The following P2RX5 variants were observed in gnomAD, a reference collection of about 807,000 sequenced individuals.
P2RX5 encodes P2X purinoceptor 5.
In P2RX5, 46 loss-of-function variants were observed where a neutral mutation model predicts 54.1. That is an observed-to-expected ratio of 0.85 (90% CI 0.67 to 1.09). The LOEUF is 1.09. Among genes scored for constraint, P2RX5 ranks in the 50% least tolerant of loss-of-function variants. P2RX5 has a pLI of 0.00. For missense variants in P2RX5, 566 were observed against 549.8 expected (o/e 1.03, Z -0.29); for synonymous variants, 226 against 226.4 (o/e 1.00, Z 0.02).
intron 9 of P2RX5, 96 bp from the exon 10 acceptor site, chr17:3,682,074 A>C: frequency 1.2e-6 from 1 of 815,596 alleles, no homozygotes; most frequent in Non-Finnish European, 2.1e-6. Flanking sequence ...CAGCCCCTAA[A>C]GGTGGCATCA....
At chr17:3,702,146 T>TA in the P2RX5 span, among the ~76,000 whole-genome samples, 2 of 152,066 alleles carry the variant, frequency 1.3e-5, no homozygotes, top group South Asian at 4.1e-4. Flanking sequence ...CAGCACTCTG[T>TA]AAAAACGCAC....
At chr17:3,699,678 G>A (rs1423260323), upstream of P2RX5, among the ~76,000 whole-genome samples, 1 of 150,084 alleles carries the variant, frequency 6.7e-6, no homozygotes, top group Non-Finnish European at 1.5e-5. Context: ...GGTGGCACAC[G>A]CCTATAGTCC....
At chr17:3,692,612 C>T (rs1379085459) in intron 1 of P2RX5, among the ~76,000 whole-genome samples, 1 of 152,098 alleles carries the variant, frequency 6.6e-6, no homozygotes. Flanking sequence ...GAGACCAAGG[C>T]AGGAGGATCG....
At chr17:3,712,200 G>A in the P2RX5 span, among the ~76,000 whole-genome samples, 1 of 152,190 alleles carries the variant, frequency 6.6e-6, no homozygotes, top group Admixed American at 6.5e-5. Flanking sequence ...AGAGTTACAA[G>A]GAAGGGGAAA....
At chr17:3,705,465 C>T in the P2RX5 span, among the ~76,000 whole-genome samples, 4 of 152,076 alleles carry the variant, frequency 2.6e-5, no homozygotes, top group African/African-American at 9.7e-5. Flanking sequence ...TTCATGGCTT[C>T]GAGGGTCAGC....
the P2RX5 span, chr17:3,723,205 T>C: frequency 1.0e-6 from 1 of 959,352 alleles, no homozygotes; most frequent in Non-Finnish European, 1.7e-6. Context: ...GGACATGTTA[T>C]GCAAAGATGC....
intron 11 of P2RX5, 84 bp from the exon 12 acceptor site, chr17:3,673,961 G>T: frequency 8.1e-7 from 1 of 1,242,160 alleles, no homozygotes. Flanking sequence ...AGGGAGAAGG[G>T]CCTTCCCAAG....
chr17:3,698,350 G>C (rs1472042019), upstream of P2RX5, among the ~76,000 whole-genome samples: 1 of 152,156 alleles, frequency 6.6e-6, no homozygotes, highest in Non-Finnish European at 1.5e-5. Context: ...CCCCAGCACA[G>C]GACAACATGA....
chr17:3,713,037 G>GA, the P2RX5 span, among the ~76,000 whole-genome samples: 18 of 152,236 alleles, frequency 1.2e-4, no homozygotes, highest in South Asian at 3.7e-3. Flanking sequence ...ACAGTCGGGG[G>GA]AAAAAACGGT....
chr17:3,691,391 C>A (rs949410883), intron 2 of P2RX5, among the ~76,000 whole-genome samples: 5 of 152,214 alleles, frequency 3.3e-5, no homozygotes, highest in African/African-American at 1.2e-4. Context: ...CCTGAAAGTT[C>A]TCTGGGTCCC....
chr17:3,676,401 C>G, intron 11 of P2RX5: 1 of 985,134 alleles, frequency 1.0e-6, no homozygotes, highest in Non-Finnish European at 1.2e-6. Context: ...ACACTGGCTG[C>G]CTCTGGGGAA....
intron 10 of P2RX5, among the ~76,000 whole-genome samples, chr17:3,681,662 C>T (rs2050285190): frequency 1.3e-5 from 2 of 152,322 alleles, no homozygotes; most frequent in African/African-American, 4.8e-5. Flanking sequence ...CAGAATCAGG[C>T]GGAGCCTGTG....
chr17:3,689,936 A>T, intron 6 of P2RX5, 134 bp downstream of exon 6: 1 of 881,292 alleles, frequency 1.1e-6, no homozygotes, highest in East Asian at 2.4e-5. Flanking sequence ...GCACACACGC[A>T]CACACGCGAA....
At chr17:3,676,009 G>A in intron 11 of P2RX5, 1 of 985,362 alleles carries the variant, frequency 1.0e-6, no homozygotes, top group Non-Finnish European at 1.2e-6. Context: ...TCAGTGGAGG[G>A]ATGCTCTCAC....
rs1015521383 is a variant in P2RX5 at position 3,681,572 on chromosome 17, C to T, written c.1064+324G>A. 5.9e-5 allele frequency among the ~76,000 whole-genome samples: 9 copies of T among 152,234 alleles called. 1 individual carries two copies. Among genetic ancestry groups the T allele is most frequent in the Admixed American group, 5.2e-4 (8 of 15,282 alleles). Reference sequence around the variant, plus strand: ...CAAGAATCCCAAAACAGAAGTGCTGCAGACACCACTCGATTGGTAAACCAA... The same window carrying T: ...CAAGAATCCCAAAACAGAAGTGCTGTAGACACCACTCGATTGGTAAACCAA... On this transcript the variant is annotated intron_variant, in intron 10 of 11. Coordinates refer to ENST00000225328, the MANE Select transcript of P2RX5 (RefSeq NM_002561.4).
chr17:3,701,721 G>GAAAAAAAAAAAAAAAAAAAA, the P2RX5 span, among the ~76,000 whole-genome samples: 1 of 94,506 alleles, frequency 1.1e-5, no homozygotes, highest in African/African-American at 3.3e-5. Flanking sequence ...AAAAAAAAAG[G>GAAAAAAAAAAAAAAAAAAAA]AACTTCTAAA....
At chr17:3,699,085 ACACACACACC>A (rs746477109), upstream of P2RX5, among the ~76,000 whole-genome samples, 768 of 126,840 alleles carry the variant, frequency 6.1e-3, 6 homozygotes, top group Non-Finnish European at 8.2e-3. Flanking sequence ...ACACACACAC[ACACACACACC>A]TATATATATA....
In P2RX5 at chr17:3,690,419, C is replaced by G. The variant is rs2050579176; in HGVS notation, c.533+8G>C. 11 of 1,601,816 alleles carry G rather than the reference C, an allele frequency of 6.9e-6. No individual in the cohort carries two copies. The highest frequency in any genetic ancestry group is 1.3e-5 in the African/African-American group (1 of 74,684). ...ACCCCTCAGGGTCCTGAGGCTGCAG[C>G]CACTCACTCCGGCCTGGAGCTTGTC... On this transcript the variant is annotated splice_region_variant and intron_variant, in intron 5 of 11. Transcript: ENST00000225328.
chr17:3,689,877 CACGCACACACACAA>C (rs1207566917), intron 6 of P2RX5, among the ~76,000 whole-genome samples, 179 bp downstream of exon 6: 12 of 149,980 alleles, frequency 8.0e-5, no homozygotes, highest in African/African-American at 2.0e-4. Context: ...CACGCGAACA[CACGCACACACACAA>C]ACGCACGCAC....
Sources: allele counts gnomAD v4.1 joint callset (sites outside exome capture counted in the v4.1 genomes callset), GRCh38; gene constraint gnomAD v4.1.1; transcripts MANE v1.5; gene names NCBI Gene and HGNC (gene_info 2026-07-23, HGNC 2026-07-21).